The following ITSN2 variants were observed in gnomAD, a reference collection of about 807,000 sequenced individuals.
The protein encoded by ITSN2 is intersectin 2, also known as intersectin-2.
Under a neutral mutation model 243.7 loss-of-function variants are expected in ITSN2, and 156 were observed. That is an observed-to-expected ratio of 0.64 (90% CI 0.56 to 0.73). The LOEUF (loss-of-function observed/expected upper bound fraction) is 0.73. Among genes scored for constraint, ITSN2 ranks in the 30% least tolerant of loss-of-function variants. The pLI is 0.00. For missense variants in ITSN2, 1,801 were observed against 1,996.1 expected (o/e 0.90, Z 1.86); for synonymous variants, 703 against 699.9 (o/e 1.00, Z -0.07).
intron 5 of ITSN2, among the ~76,000 whole-genome samples, chr2:24,311,094 TTCTC>T (rs371550465): frequency 4.7e-5 from 7 of 150,534 alleles, no homozygotes; most frequent in African/African-American, 1.2e-4. Context: ...CACATTCTTC[TTCTC>T]TCTCTCTCTC....
intron 2 of ITSN2, among the ~76,000 whole-genome samples, chr2:24,324,197 A>T (rs1441579098): frequency 6.6e-6 from 1 of 152,176 alleles, no homozygotes; most frequent in Non-Finnish European, 1.5e-5. Flanking sequence ...ATGCCACTGC[A>T]CTCCAGCCTG....
In ITSN2 at chr2:24,254,355, C is replaced by A; in HGVS notation, c.2953+12G>T. On this transcript the variant is annotated intron_variant, in intron 24 of 39. Coordinates refer to ENST00000355123, the MANE Select transcript of ITSN2 (RefSeq NM_006277.3). Reference sequence around the variant, plus strand: ...TGATTACCATCTAATTTACAAATTGCCAAAAGCTTACCTTCTCCAACTGAA... The same window carrying A: ...TGATTACCATCTAATTTACAAATTGACAAAAGCTTACCTTCTCCAACTGAA... 6.3e-7 allele frequency: 1 copy of A among 1,599,588 alleles called. No individual in the cohort carries two copies. Among genetic ancestry groups the A allele is most frequent in the Non-Finnish European group, 8.6e-7 (1 of 1,167,282 alleles).
chr2:24,283,149 T>G (rs1302384791), intron 17 of ITSN2, among the ~76,000 whole-genome samples: 1 of 152,198 alleles, frequency 6.6e-6, no homozygotes, highest in Non-Finnish European at 1.5e-5. Flanking sequence ...AGCTTCTGCT[T>G]ATCACTCAAG....
chr2:24,253,685 G>C (rs1180527121), intron 24 of ITSN2, among the ~76,000 whole-genome samples: 1 of 152,144 alleles, frequency 6.6e-6, no homozygotes, highest in East Asian at 1.9e-4. Flanking sequence ...ATTCATCCTT[G>C]TATTTTCCAG....
At chr2:24,244,573 C>T (rs1673117654) in intron 29 of ITSN2, among the ~76,000 whole-genome samples, 1 of 152,160 alleles carries the variant, frequency 6.6e-6, no homozygotes, top group African/African-American at 2.4e-5. Context: ...AAAGATCTTC[C>T]AAACCCAGTA....
At position 24,248,903 on chromosome 2, in the gene ITSN2, G is replaced by T. The variant is rs370942562; in HGVS notation, c.3121-21C>A. The T allele has an allele frequency of 6.8e-6, 11 of 1,610,260 alleles. No individual in the cohort carries two copies. The African/African-American group carries it at 1.3e-4, about 20-fold the overall frequency. On this transcript the variant is annotated intron_variant, in intron 25 of 39. Transcript: ENST00000355123. ...AAACTCTACAAGGAAAAGATACCGTGTTGTTTTATTATTTCCAACAATCCA... is the reference window on the plus strand; with the variant it reads ...AAACTCTACAAGGAAAAGATACCGTTTTGTTTTATTATTTCCAACAATCCA...
At chr2:24,336,667 T>C (rs529424570) in intron 1 of ITSN2, among the ~76,000 whole-genome samples, 1 of 152,352 alleles carries the variant, frequency 6.6e-6, no homozygotes, top group African/African-American at 2.4e-5. Flanking sequence ...TTTGAAAGAC[T>C]TCTATCCTCC....
chr2:24,354,048 G>A (rs1427483050), intron 1 of ITSN2, among the ~76,000 whole-genome samples: 1 of 152,154 alleles, frequency 6.6e-6, no homozygotes, highest in Non-Finnish European at 1.5e-5. Context: ...ATATAAATGT[G>A]CATATTTATT....
intron 4 of ITSN2, 99 bp from the exon 5 acceptor site, chr2:24,312,474 T>C: frequency 2.6e-6 from 2 of 766,818 alleles, no homozygotes; most frequent in Non-Finnish European, 4.1e-6. Flanking sequence ...TGATATGGCA[T>C]TCACGTGTAC....
In ITSN2 at chr2:24,206,210, A is replaced by G. The variant is rs1441067049; in HGVS notation, c.4679-913T>C. ...CAAGCTTTTAAAGTACCATTAAAAT[A>G]ACACTAAATTAGCAAAAGCTGTTTT... On this transcript the variant is annotated intron_variant, in intron 37 of 39. Coordinates refer to ENST00000355123, the MANE Select transcript of ITSN2 (RefSeq NM_006277.3). 2.3e-5 allele frequency: 9 copies of G among 396,930 alleles called. No homozygotes were observed. The East Asian group carries it at 7.5e-4, about 33-fold the overall frequency. The allele number at this position is 396,930 out of a possible 1,614,324, so 24.6% of individuals were successfully genotyped here. A position where few individuals can be genotyped will look rare whatever the true frequency, so the allele number is the denominator to read the frequency against.
intron 2 of ITSN2, among the ~76,000 whole-genome samples, chr2:24,326,837 A>G (rs928307073): frequency 3.3e-5 from 5 of 152,220 alleles, no homozygotes; most frequent in Non-Finnish European, 7.4e-5. Context: ...CTTTAGATAT[A>G]CAACATGTAT....
rs201448375 is a variant in ITSN2 at position 24,212,760 on chromosome 2, C to T, written c.3991-12G>A. 4.9e-4 allele frequency: 791 copies of T among 1,607,852 alleles called. No individual in the cohort carries two copies. The highest frequency in any genetic ancestry group is 6.6e-4 in the Middle Eastern group (4 of 6,046). On this transcript the variant is annotated splice_polypyrimidine_tract_variant and intron_variant, in intron 32 of 39. Transcript: ENST00000355123. Reference sequence around the variant, plus strand: ...TCAGATGCCAGCTTCTGCAAAACAACAGTGAGGCTCGTGAGGAAATCACAG... The same window carrying T: ...TCAGATGCCAGCTTCTGCAAAACAATAGTGAGGCTCGTGAGGAAATCACAG...
At chr2:24,268,097 ACTT>A (rs1224943566) in intron 20 of ITSN2, among the ~76,000 whole-genome samples, 3 of 152,232 alleles carry the variant, frequency 2.0e-5, no homozygotes, top group South Asian at 2.1e-4. Context: ...ACTACTTATT[ACTT>A]CTTCTTAACT....
intron 29 of ITSN2, among the ~76,000 whole-genome samples, chr2:24,226,756 T>G (rs1357985411): frequency 1.3e-5 from 2 of 152,226 alleles, no homozygotes; most frequent in Non-Finnish European, 2.9e-5. Flanking sequence ...GGTGCTCACT[T>G]GAGGTCTGAG....
rs1476160043 is a variant in ITSN2 at position 24,204,760 on chromosome 2, T to G, written c.4763-342A>C. 8.0e-6 allele frequency: 4 copies of G among 499,826 alleles called. No homozygotes were observed. The highest frequency in any genetic ancestry group is 1.6e-5 in the Non-Finnish European group (4 of 256,130). The allele number at this position is 499,826 out of a possible 1,614,324, so 31.0% of individuals were successfully genotyped here. On this transcript the variant is annotated intron_variant, in intron 38 of 39. Transcript: ENST00000355123. This position sits in a 1 kb window ranked among gnomAD's most constrained non-coding sequence, Gnocchi z 5.1. ...CTGGCACTTACTGGGAAAACAGTGA[T>G]AAGAATATTGGTCCAATATGCGCAT... is the stretch of plus-strand genomic sequence containing the variant.
At chr2:24,307,594 T>C (rs775489873) in intron 8 of ITSN2, among the ~76,000 whole-genome samples, 1 of 152,182 alleles carries the variant, frequency 6.6e-6, no homozygotes, top group Non-Finnish European at 1.5e-5. Flanking sequence ...GTAACCACTA[T>C]CCTGAATTTT....
At position 24,271,803 on chromosome 2, in the gene ITSN2, A is replaced by ACGTTGTTTCTCCTCAGCTTTC. The variant is rs751383358; in HGVS notation, c.2199_2219dup (p.Ala735_Lys741dup). The ACGTTGTTTCTCCTCAGCTTTC allele has an allele frequency of 1.9e-6, 3 of 1,605,474 alleles. No homozygotes were observed. Among genetic ancestry groups the ACGTTGTTTCTCCTCAGCTTTC allele is most frequent in the Admixed American group, 1.7e-5 (1 of 58,406 alleles). On this transcript the variant is annotated inframe_insertion, in exon 19 of 40. Coordinates refer to ENST00000355123, the MANE Select transcript of ITSN2 (RefSeq NM_006277.3). ...CAGCTTTCAAAGTATCCTTATCCTT[A>ACGTTGTTTCTCCTCAGCTTTC]CGTTGTTTCTCCTCAGCTTTCCGTT...
chr2:24,211,301 G>A lies in ITSN2; in HGVS notation c.4090-354C>T, dbSNP rs893516182. ...AGGGTGCGCCCTCCTGTATAAACTG[G>A]CTGCAGCTGTGGTAAGTGTGAACTT... On this transcript the variant is annotated intron_variant, in intron 33 of 39. Coordinates refer to ENST00000355123, the MANE Select transcript of ITSN2 (RefSeq NM_006277.3). The surrounding 1 kb of genome is among the most constrained non-coding windows in gnomAD (Gnocchi z 4.1). Among the ~76,000 whole-genome samples the A allele has an allele frequency of 2.6e-5, 4 of 152,196 alleles. No homozygotes were observed. Among genetic ancestry groups the A allele is most frequent in the African/African-American group, 9.7e-5 (4 of 41,446 alleles).
At chr2:24,205,654 T>TG (rs1668789521) in intron 37 of ITSN2, 3 of 257,060 alleles carry the variant, frequency 1.2e-5, no homozygotes, top group African/African-American at 6.5e-5. Context: ...AATGTCTGTC[T>TG]CCTCTGCCAG....
Sources: allele counts gnomAD v4.1 joint callset (sites outside exome capture counted in the v4.1 genomes callset), GRCh38; gene constraint gnomAD v4.1.1; non-coding constraint Gnocchi (gnomAD v3.1); transcripts MANE v1.5; gene names NCBI Gene and HGNC (gene_info 2026-07-23, HGNC 2026-07-21).